SH3TC2: variants seen among roughly 807,000 people sequenced by gnomAD.
The protein encoded by SH3TC2 is SH3 domain and tetratricopeptide repeat-containing protein 2.
Under a neutral mutation model 124.5 loss-of-function variants are expected in SH3TC2, and 87 were observed. That is an observed-to-expected ratio of 0.70 (90% CI 0.59 to 0.84). SH3TC2 has a LOEUF of 0.84. Among genes scored for constraint, SH3TC2 ranks in the 40% least tolerant of loss-of-function variants. SH3TC2 has a pLI of 0.00. For missense variants in SH3TC2, 1,536 were observed against 1,566.4 expected (o/e 0.98, Z 0.33); for synonymous variants, 634 against 628.5 (o/e 1.01, Z -0.13).
intron 3 of SH3TC2, chr5:149,045,234 A>G (rs1754438905): frequency 6.6e-6 from 1 of 152,420 alleles, no homozygotes; most frequent in African/African-American, 2.4e-5. Context: ...ATATAGAATC[A>G]CATTGCATAA....
chr5:149,027,924 G>A lies in SH3TC2; in HGVS notation c.1808C>T (p.Pro603Leu). Residue 603 changes from proline to leucine, a missense_variant, in exon 11 of 17, where the codon CCT (proline) becomes CTT (leucine). Transcript: ENST00000515425. The part of the protein sequence containing the change: ...EKAGALLACL[P>L]DRESSAKHEL... ...ATGCTTGGCACTAGACTCACGGTCA[G>A]GCAGGCAGGCCAGCAGGGCACCTGC... 6.2e-7 allele frequency: 1 copy of A among 1,614,062 alleles called. No individual in the cohort carries two copies. The highest frequency in any genetic ancestry group is 8.5e-7 in the Non-Finnish European group (1 of 1,180,040).
rs149323619 is a variant in SH3TC2 at position 148,999,938 on chromosome 5, T to TG, written c.*4772dup. On this transcript the variant is annotated 3_prime_UTR_variant, in exon 17 of 17. Coordinates refer to ENST00000515425, the MANE Select transcript of SH3TC2 (RefSeq NM_024577.4). ...CCTGTTCTCAGAAAACATCACCCCCTGTCCACCCTCTGGACCTTTGCTTGA... is the reference window on the plus strand; with the variant it reads ...CCTGTTCTCAGAAAACATCACCCCCTGGTCCACCCTCTGGACCTTTGCTTGA... 3.3e-4 allele frequency among the ~76,000 whole-genome samples: 50 copies of TG among 152,274 alleles called. No homozygotes were observed. The East Asian group carries it at 9.7e-3, about 29-fold the overall frequency.
At chr5:149,052,278 A>G in intron 1 of SH3TC2, 38 bp from the exon 2 acceptor site, 1 of 1,513,874 alleles carries the variant, frequency 6.6e-7, no homozygotes, top group Non-Finnish European at 9.2e-7. Flanking sequence ...TTAAGAGTGT[A>G]AGGAAGTTGA....
chr5:149,016,586 T>C (rs1753876055), intron 12 of SH3TC2, among the ~76,000 whole-genome samples: 1 of 152,176 alleles, frequency 6.6e-6, no homozygotes, highest in African/African-American at 2.4e-5. Context: ...TTTTAAAACG[T>C]AGCACTTTTT....
Position 148,992,239 on chromosome 5 carries a change from C to T in SH3TC2, c.*12472G>A, listed in dbSNP as rs1753430201. On this transcript the variant is annotated 3_prime_UTR_variant, in exon 17 of 17. Transcript: ENST00000515425. Reference sequence around the variant, plus strand: ...GTTAAGTGCCTTGCCCAAGGTCATGCACACAGTGGGGATTTTTACCCAGGT... The same window carrying T: ...GTTAAGTGCCTTGCCCAAGGTCATGTACACAGTGGGGATTTTTACCCAGGT... 6.6e-6 allele frequency among the ~76,000 whole-genome samples: 1 copy of T among 152,218 alleles called. No individual in the cohort carries two copies. The highest frequency in any genetic ancestry group is 1.5e-5 in the Non-Finnish European group (1 of 68,040).
intron 15 of SH3TC2, 184 bp downstream of exon 15, chr5:149,008,667 G>A: frequency 2.7e-6 from 2 of 743,556 alleles, no homozygotes; most frequent in Non-Finnish European, 2.3e-6. Context: ...TCCTGATTTG[G>A]TGATGACAAG....
rs1227306701 is a variant in SH3TC2 at position 148,987,037 on chromosome 5, T to G, written c.*17674A>C. Among the ~76,000 whole-genome samples the G allele has an allele frequency of 6.6e-6, 1 of 152,268 alleles. No individual in the cohort carries two copies. The highest frequency in any genetic ancestry group is 1.5e-5 in the Non-Finnish European group (1 of 68,052). On this transcript the variant is annotated 3_prime_UTR_variant, in exon 17 of 17. Transcript: ENST00000515425. ...ATATTAATTCCCCAGCTAATGTATT[T>G]CATGGTAGTTCATTGTGCTTAATTC...
rs1330682180 is a variant in SH3TC2, at chr5:149,027,848, G to T, written c.1884C>A (p.Ser628Arg). The T allele has an allele frequency of 6.2e-7, 1 of 1,613,854 alleles. No individual in the cohort carries two copies. The highest frequency in any genetic ancestry group is 2.2e-5 in the East Asian group (1 of 44,880). ...YVLRQGIVVGSSPLEARACFL... is the reference protein window; with the variant it reads ...YVLRQGIVVGRSPLEARACFL... ...AGCAGGCCCTGGCCTCCAGCGGGCT[G>T]CTGCCCACCACAATCCCCTGGCGCA... Residue 628 changes from serine to arginine, a missense_variant, in exon 11 of 17, where the codon AGC becomes AGA. Transcript: ENST00000515425.
intron 12 of SH3TC2, among the ~76,000 whole-genome samples, chr5:149,015,788 A>C (rs1561759979): frequency 6.6e-6 from 1 of 152,198 alleles, no homozygotes; most frequent in Non-Finnish European, 1.5e-5. Flanking sequence ...GCCAAAGCCC[A>C]GCCTCCACTA....
chr5:149,047,745 A>G (rs1754488512), intron 3 of SH3TC2, 117 bp downstream of exon 3: 1 of 1,263,626 alleles, frequency 7.9e-7, no homozygotes, highest in African/African-American at 1.5e-5. Context: ...CAGTCTACCT[A>G]TTAGATGTTT....
chr5:149,004,992 TTTTGTTTG>T (rs71274358), intron 16 of SH3TC2, 90 bp from the exon 17 acceptor site: 37 of 1,407,276 alleles, frequency 2.6e-5, no homozygotes, highest in African/African-American at 1.3e-4. Flanking sequence ...CTCTAGTTTT[TTTTGTTTG>T]TTTGTTTGTT....
chr5:149,056,238 T>C (rs1481113986), intron 1 of SH3TC2, among the ~76,000 whole-genome samples: 1 of 152,172 alleles, frequency 6.6e-6, no homozygotes, highest in Non-Finnish European at 1.5e-5. Context: ...CCAATAGTGA[T>C]CTTTTCTGCT....
chr5:148,993,184 G>C lies in SH3TC2; in HGVS notation c.*11527C>G, dbSNP rs909049656. 6.6e-6 allele frequency among the ~76,000 whole-genome samples: 1 copy of C among 152,146 alleles called. No homozygotes were observed. The highest frequency in any genetic ancestry group is 2.4e-5 in the African/African-American group (1 of 41,436). ...AACAGCTAACCTACACAAAGAATGTGTTAATGAGCAAACATTCACAGGGGA... is the reference window on the plus strand; with the variant it reads ...AACAGCTAACCTACACAAAGAATGTCTTAATGAGCAAACATTCACAGGGGA... On this transcript the variant is annotated 3_prime_UTR_variant, in exon 17 of 17. Transcript: ENST00000515425.
chr5:149,059,330 G>A (rs762868970), intron 1 of SH3TC2, among the ~76,000 whole-genome samples: 1 of 151,976 alleles, frequency 6.6e-6, no homozygotes, highest in Non-Finnish European at 1.5e-5. Flanking sequence ...CTAAAGTCTC[G>A]GGCCTCTGAT....
At chr5:149,017,441 G>A (rs1321871902) in intron 12 of SH3TC2, among the ~76,000 whole-genome samples, 1 of 152,110 alleles carries the variant, frequency 6.6e-6, no homozygotes, top group Non-Finnish European at 1.5e-5. Flanking sequence ...GCAGATATTA[G>A]ACAAAGGGAC....
chr5:149,012,360 G>A (rs1241396069), intron 13 of SH3TC2, among the ~76,000 whole-genome samples: 2 of 152,206 alleles, frequency 1.3e-5, no homozygotes, highest in East Asian at 3.8e-4. Flanking sequence ...GTGCACACAT[G>A]TGTATGGGTC....
At position 149,012,570 on chromosome 5, in the gene SH3TC2, T is replaced by G. The variant is rs772697522; in HGVS notation, c.3204+14A>C. 1 of 1,614,168 alleles carries G rather than the reference T, an allele frequency of 6.2e-7. No homozygotes were observed. The highest frequency in any genetic ancestry group is 1.7e-5 in the Admixed American group (1 of 60,028). On this transcript the variant is annotated intron_variant, in intron 13 of 16. Transcript: ENST00000515425. The stretch of plus-strand genomic sequence containing the variant: ...CAAGTCAACAACTCCCAGAGAGCTC[T>G]GCAGGAGGCCTACCTGCAGGCACAG...
rs1753409713 is a variant in SH3TC2 at position 148,990,830 on chromosome 5, G to C, written c.*13881C>G. On this transcript the variant is annotated 3_prime_UTR_variant, in exon 17 of 17. Coordinates refer to ENST00000515425, the MANE Select transcript of SH3TC2 (RefSeq NM_024577.4). ...AAATATTTGCAATAAGCAAGGCCCTGAGTTAAGTATTCTAAGTACATTATC... is the reference window on the plus strand; with the variant it reads ...AAATATTTGCAATAAGCAAGGCCCTCAGTTAAGTATTCTAAGTACATTATC... Among the ~76,000 whole-genome samples, 1 of 152,166 alleles carries C rather than the reference G, an allele frequency of 6.6e-6. No individual in the cohort carries two copies. Among genetic ancestry groups the C allele is most frequent in the African/African-American group, 2.4e-5 (1 of 41,432 alleles).
intron 3 of SH3TC2, chr5:149,045,814 T>G (rs760137915): frequency 3.9e-4 from 79 of 201,026 alleles, no homozygotes; most frequent in Non-Finnish European, 7.2e-4. Context: ...GCTTGGCTAA[T>G]TTTTTGTATT....
Sources: allele counts gnomAD v4.1 joint callset (sites outside exome capture counted in the v4.1 genomes callset), GRCh38; gene constraint gnomAD v4.1.1; transcripts MANE v1.5; gene names NCBI Gene and HGNC (gene_info 2026-07-23, HGNC 2026-07-21).